EIF2A: variants seen among roughly 807,000 people sequenced by gnomAD.
The protein encoded by EIF2A is eukaryotic translation initiation factor 2A.
Under a neutral mutation model 75.2 loss-of-function variants are expected in EIF2A, and 62 were observed. That is an observed-to-expected ratio of 0.82 (90% CI 0.67 to 1.02). The LOEUF is 1.02. Ranked by LOEUF, EIF2A falls within the 50% of genes least tolerant of loss-of-function variation. EIF2A has a pLI of 0.00. For missense variants in EIF2A, 611 were observed against 677.7 expected, an observed-to-expected ratio of 0.90 and a Z score of 1.09; for synonymous variants, 207 against 239.0, an observed-to-expected ratio of 0.87 and a Z score of 1.23.
Position 150,583,869 on chromosome 3 carries a change from A to G in EIF2A, c.1716A>G (p.Thr572=), listed in dbSNP as rs1725326882. 6.2e-7 allele frequency: 1 copy of G among 1,613,598 alleles called. No homozygotes were observed. The highest frequency in any genetic ancestry group is 2.2e-5 in the East Asian group (1 of 44,812). Residue 572 remains threonine, a synonymous_variant, in exon 14 of 14, where the codon ACA becomes ACG. Transcript: ENST00000460851. The part of the protein sequence containing the change: ...KNQLEKIQKE[T]ALLQELEDLE... ...AGTTGGAGAAAATTCAGAAAGAAACAGCCCTTCTCCAGGAGCTGGAAGATT... is the reference window on the plus strand; with the variant it reads ...AGTTGGAGAAAATTCAGAAAGAAACGGCCCTTCTCCAGGAGCTGGAAGATT...
intron 3 of EIF2A, among the ~76,000 whole-genome samples, chr3:150,561,883 C>T (rs1275303295): frequency 2.0e-5 from 3 of 151,368 alleles, no homozygotes; most frequent in Admixed American, 2.0e-4. Context: ...CTCTGCCTCC[C>T]GAGTAGCTGG....
chr3:150,581,260 C>T (rs1208090804), intron 11 of EIF2A, among the ~76,000 whole-genome samples: 1 of 152,160 alleles, frequency 6.6e-6, no homozygotes, highest in Non-Finnish European at 1.5e-5. Context: ...CTTGATCATA[C>T]ATATTCTTTA....
At chr3:150,565,628 G>A (rs748584804) in intron 6 of EIF2A, among the ~76,000 whole-genome samples, 8 of 151,946 alleles carry the variant, frequency 5.3e-5, no homozygotes, top group Non-Finnish European at 1.0e-4. Flanking sequence ...GTGCAATCAT[G>A]GCTCACTGCA....
In EIF2A at chr3:150,557,190, C is replaced by T. The variant is rs535274452; in HGVS notation, c.99-1198C>T. 1.9e-4 allele frequency among the ~76,000 whole-genome samples: 29 copies of T among 152,074 alleles called. No individual in the cohort carries two copies. In the South Asian group the frequency reaches 5.6e-3, roughly 29 times the overall value. On this transcript the variant is annotated intron_variant, in intron 2 of 13. Coordinates refer to ENST00000460851, the MANE Select transcript of EIF2A (RefSeq NM_032025.5). ...TTTATAATTTATATATTACATACTT[C>T]CGTATGTAATGTAAGGACTGACTAA...
At chr3:150,568,896 G>A (rs1724343996) in intron 9 of EIF2A, among the ~76,000 whole-genome samples, 1 of 152,206 alleles carries the variant, frequency 6.6e-6, no homozygotes, top group South Asian at 2.1e-4. Context: ...CAGCCTGGGT[G>A]AAAGAGCGAG....
rs763936691 is a variant in EIF2A at position 150,564,372 on chromosome 3, A to G, written c.466A>G (p.Asn156Asp). Residue 156 changes from asparagine (N) to aspartate (D), a missense_variant, in exon 6 of 14, where the codon AAC becomes GAC. By Grantham distance (23) the Asn-to-Asp change is conservative (BLOSUM62 1). Transcript: ENST00000460851. ...CAATGAAGTTCACTTCTTTGAAAAC[A>G]ACAATTTTAGTATGGAAAGATTTAT... ...VNNEVHFFENNNFNTIANKLH... is the reference protein window; with the variant it reads ...VNNEVHFFENDNFNTIANKLH... 26 of 1,594,602 alleles carry G rather than the reference A, an allele frequency of 1.6e-5. No homozygotes were observed. Among genetic ancestry groups the G allele is most frequent in the Admixed American group, 3.5e-5 (2 of 56,528 alleles).
chr3:150,557,610 G>C, intron 2 of EIF2A: 3 of 305,614 alleles, frequency 9.8e-6, no homozygotes, highest in South Asian at 6.9e-5. Context: ...ATGTTGCCCA[G>C]CTGGTCTCGA....
At chr3:150,581,483 A>G (rs1725172690) in intron 11 of EIF2A, 135 bp from the exon 12 acceptor site, 1 of 1,142,910 alleles carries the variant, frequency 8.7e-7, no homozygotes, top group South Asian at 1.7e-5. Context: ...GAGACCTTTA[A>G]TTCAGATTCT....
At position 150,571,955 on chromosome 3, in the gene EIF2A, T is replaced by C. The variant is rs1363805142; in HGVS notation, c.812-3T>C. The C allele has an allele frequency of 3.1e-6, 5 of 1,593,008 alleles. No homozygotes were observed. Among genetic ancestry groups the C allele is most frequent in the Non-Finnish European group, 4.3e-6 (5 of 1,171,968 alleles). On this transcript the variant is annotated splice_region_variant and splice_polypyrimidine_tract_variant and intron_variant, in intron 9 of 13. Coordinates refer to ENST00000460851, the MANE Select transcript of EIF2A (RefSeq NM_032025.5). ...TAATTTGGGCTTTATATTCTTTTTC[T>C]AGCAAAAAATGGCCCCATTTATGAT...
chr3:150,547,571 AAG>A lies in EIF2A; in HGVS notation c.28+746_28+747del, dbSNP rs558480285. Among the ~76,000 whole-genome samples, 18 of 152,264 alleles carry A rather than the reference AAG, an allele frequency of 1.2e-4. No homozygotes were observed. In the South Asian group the frequency reaches 3.7e-3, roughly 32 times the overall value. The stretch of plus-strand genomic sequence containing the variant: ...CTGCATATGAGTATTACGTAAGGAA[AAG>A]AGAGTCGGGAAGGAAAAGAAGGTTT... On this transcript the variant is annotated intron_variant, in intron 1 of 13. Transcript: ENST00000460851.
intron 11 of EIF2A, among the ~76,000 whole-genome samples, chr3:150,577,933 A>G (rs965680745): frequency 6.6e-6 from 1 of 152,188 alleles, no homozygotes; most frequent in Non-Finnish European, 1.5e-5. Flanking sequence ...CATCCCCAGA[A>G]GTATCTTAAT....
At chr3:150,581,477 C>A in intron 11 of EIF2A, 141 bp from the exon 12 acceptor site, 3 of 1,073,208 alleles carry the variant, frequency 2.8e-6, no homozygotes. Flanking sequence ...CTTCATGAGA[C>A]CTTTAATTCA....
At chr3:150,548,273 T>C (rs999253108) in intron 1 of EIF2A, among the ~76,000 whole-genome samples, 8 of 152,372 alleles carry the variant, frequency 5.3e-5, no homozygotes, top group African/African-American at 1.9e-4. Flanking sequence ...AAATTCATTT[T>C]AGATATCATT....
At chr3:150,582,543 TG>T (rs1725254362) in intron 12 of EIF2A, among the ~76,000 whole-genome samples, 1 of 152,026 alleles carries the variant, frequency 6.6e-6, no homozygotes, top group Non-Finnish European at 1.5e-5. Flanking sequence ...TTCAATCTCC[TG>T]ACCTCATGAT....
chr3:150,578,406 CATTT>C (rs1241003174), intron 11 of EIF2A, among the ~76,000 whole-genome samples: 94 of 149,198 alleles, frequency 6.3e-4, no homozygotes, highest in Non-Finnish European at 1.2e-3. Flanking sequence ...GATAATTTCA[CATTT>C]AATTAATATA....
intron 8 of EIF2A, 33 bp downstream of exon 8, chr3:150,568,079 T>A: frequency 6.2e-7 from 1 of 1,600,244 alleles, no homozygotes; most frequent in Non-Finnish European, 8.5e-7. Flanking sequence ...CTCCCTTTGT[T>A]TATCAGTTGT....
intron 6 of EIF2A, among the ~76,000 whole-genome samples, chr3:150,565,423 C>G (rs1190729058): frequency 6.6e-6 from 1 of 152,154 alleles, no homozygotes; most frequent in African/African-American, 2.4e-5. Context: ...TGTACTGCTT[C>G]TATAAAGAAA....
At chr3:150,583,140 G>T in intron 12 of EIF2A, 60 bp from the exon 13 acceptor site, 1 of 1,457,908 alleles carries the variant, frequency 6.9e-7, no homozygotes, top group South Asian at 1.3e-5. Flanking sequence ...TCTTAATAAG[G>T]AAATTTGCAT....
chr3:150,547,106 G>A, intron 1 of EIF2A: 1 of 520,952 alleles, frequency 1.9e-6, no homozygotes, highest in South Asian at 2.2e-5. Flanking sequence ...GAAAAACAAT[G>A]TGCTAGTTGA....
Sources: allele counts gnomAD v4.1 joint callset (sites outside exome capture counted in the v4.1 genomes callset), GRCh38; gene constraint gnomAD v4.1.1; transcripts MANE v1.5; gene names NCBI Gene and HGNC (gene_info 2026-07-23, HGNC 2026-07-21).